The following MAGI2 variants were observed in gnomAD, a reference collection of about 807,000 sequenced individuals.
MAGI2 encodes the protein membrane-associated guanylate kinase, WW and PDZ domain-containing protein 2.
MAGI2 carries 35 observed loss-of-function variants against 133.3 expected under a neutral mutation model. The observed-to-expected ratio is 0.26, with a 90% CI of 0.20 to 0.35. The LOEUF is 0.35. Among genes scored for constraint, MAGI2 ranks in the 10% least tolerant of loss-of-function variants. The pLI is 1.00. For synonymous variants in MAGI2, 729 were observed against 710.6 expected (o/e 1.03, Z -0.41); for missense variants, 1,636 against 1,863.4 (o/e 0.88, Z 2.25).
At chr7:79,171,111 A>G (rs1260541566) in intron 1 of MAGI2, among the ~76,000 whole-genome samples, 1 of 152,114 alleles carries the variant, frequency 6.6e-6, no homozygotes, top group Admixed American at 6.6e-5. Flanking sequence ...AGTACCATAA[A>G]CTGGGTGGCT....
chr7:79,436,316 C>T (rs1848143848), intron 1 of MAGI2, among the ~76,000 whole-genome samples: 1 of 151,058 alleles, frequency 6.6e-6, no homozygotes, highest in Admixed American at 6.6e-5. Context: ...AAGAAGTCCT[C>T]AAAGGCAATC....
chr7:78,188,496 A>T (rs1827902202), intron 12 of MAGI2, among the ~76,000 whole-genome samples: 1 of 152,244 alleles, frequency 6.6e-6, no homozygotes, highest in Non-Finnish European at 1.5e-5. Context: ...ATTTAAAATG[A>T]TAACATTGTT....
At chr7:78,935,926 A>T (rs762024249) in intron 2 of MAGI2, among the ~76,000 whole-genome samples, 89 of 152,182 alleles carry the variant, frequency 5.8e-4, no homozygotes, top group South Asian at 2.5e-3. Flanking sequence ...TCCAACTTAA[A>T]AGAGACACCC....
intron 9 of MAGI2, among the ~76,000 whole-genome samples, chr7:78,307,745 C>A (rs1402223023): frequency 1.3e-5 from 2 of 152,224 alleles, no homozygotes; most frequent in South Asian, 4.1e-4. Flanking sequence ...GAGTTGATAA[C>A]CTAAGTGCTG....
chr7:79,200,662 A>C lies in MAGI2; in HGVS notation c.302-193456T>G, dbSNP rs909304058. Among the ~76,000 whole-genome samples, 19 of 151,628 alleles carry C rather than the reference A, an allele frequency of 1.3e-4. 2 individuals carry two copies. The highest frequency in any genetic ancestry group is 4.6e-4 in the African/African-American group (19 of 41,124). ...TGATATATCTCATTTCACAATCTTC[A>C]CAGTCTTGTGAAAGTGTTATCCCCA... On this transcript the variant is annotated intron_variant, in intron 1 of 21. Transcript: ENST00000354212.
rs543420879 is a variant in MAGI2 at position 78,432,127 on chromosome 7, T to G, written c.1045+57634A>C. On this transcript the variant is annotated intron_variant, in intron 6 of 21. Transcript: ENST00000354212. Reference sequence around the variant, plus strand: ...GTAGGTTTAAATATTAAATTATTAATTTTTTTTATCTGACAGCAAATTTGG... The same window carrying G: ...GTAGGTTTAAATATTAAATTATTAAGTTTTTTTATCTGACAGCAAATTTGG... Among the ~76,000 whole-genome samples the G allele has an allele frequency of 1.4e-4, 21 of 151,776 alleles. No homozygotes were observed. In the South Asian group the frequency reaches 4.4e-3, roughly 32 times the overall value.
chr7:78,347,233 TTCAG>T (rs1791013155), intron 7 of MAGI2: 2 of 152,300 alleles, frequency 1.3e-5, no homozygotes, highest in Non-Finnish European at 1.5e-5. Flanking sequence ...CACTTACAGC[TTCAG>T]AAAGGAAAGG....
chr7:78,078,783 T>G, intron 21 of MAGI2, 164 bp downstream of exon 21: 2 of 696,962 alleles, frequency 2.9e-6, no homozygotes, highest in Non-Finnish European at 4.8e-6. Context: ...TACGTGTGTG[T>G]GTGTATGTGT....
At chr7:79,190,441 C>T (rs1415224816) in intron 1 of MAGI2, among the ~76,000 whole-genome samples, 2 of 151,708 alleles carry the variant, frequency 1.3e-5, no homozygotes, top group African/African-American at 2.4e-5. Flanking sequence ...AGTGTCTGTT[C>T]CTATCTTACC....
intron 2 of MAGI2, among the ~76,000 whole-genome samples, chr7:78,860,695 C>A (rs978474989): frequency 2.6e-5 from 4 of 152,240 alleles, no homozygotes; most frequent in Non-Finnish European, 4.4e-5. Context: ...AGGGTTCTGG[C>A]ACCCCCTTGA....
intron 3 of MAGI2, among the ~76,000 whole-genome samples, chr7:78,547,885 A>G (rs1421172735): frequency 1.3e-5 from 2 of 152,216 alleles, no homozygotes; most frequent in South Asian, 2.1e-4. Context: ...ATGACCTGCT[A>G]TATTCCCAAT....
chr7:78,499,324 C>A (rs1221436722), intron 5 of MAGI2, among the ~76,000 whole-genome samples: 1 of 152,198 alleles, frequency 6.6e-6, no homozygotes, highest in Non-Finnish European at 1.5e-5. Flanking sequence ...CCTTTTATAT[C>A]TTAAATCTAT....
chr7:78,828,325 C>G (rs1312631726), intron 2 of MAGI2, among the ~76,000 whole-genome samples: 1 of 152,164 alleles, frequency 6.6e-6, no homozygotes, highest in Non-Finnish European at 1.5e-5. Flanking sequence ...AGCATCAATA[C>G]TGATAAGCCA....
At chr7:79,118,680 T>G (rs572887762) in intron 1 of MAGI2, among the ~76,000 whole-genome samples, 1 of 152,252 alleles carries the variant, frequency 6.6e-6, no homozygotes, top group African/African-American at 2.4e-5. Context: ...GTAAGTTCTG[T>G]CTCAGAAATC....
intron 6 of MAGI2, among the ~76,000 whole-genome samples, chr7:78,390,694 C>T (rs187068047): frequency 3.3e-5 from 5 of 152,220 alleles, no homozygotes; most frequent in Admixed American, 6.5e-5. Context: ...TATTTAACTT[C>T]AATAGTGCTA....
chr7:79,021,246 C>A (rs1809300448), intron 1 of MAGI2, among the ~76,000 whole-genome samples: 1 of 152,156 alleles, frequency 6.6e-6, no homozygotes, highest in African/African-American at 2.4e-5. Flanking sequence ...GGGTTTGGAG[C>A]CCCCACACAG....
At position 78,577,178 on chromosome 7, in the gene MAGI2, T is replaced by C. The variant is rs112121440; in HGVS notation, c.538+49942A>G. Among the ~76,000 whole-genome samples, 38 of 152,290 alleles carry C rather than the reference T, an allele frequency of 2.5e-4. 1 individual carries two copies. Among genetic ancestry groups the C allele is most frequent in the African/African-American group, 8.4e-4 (35 of 41,550 alleles). Reference sequence around the variant, plus strand: ...TTCACTAATTTGGAAATAATAAATATACAGGCAAAACTTAAATAGGTGCTA... The same window carrying C: ...TTCACTAATTTGGAAATAATAAATACACAGGCAAAACTTAAATAGGTGCTA... On this transcript the variant is annotated intron_variant, in intron 3 of 21. Transcript: ENST00000354212.
intron 1 of MAGI2, among the ~76,000 whole-genome samples, chr7:79,080,220 A>T (rs538130563): frequency 2.0e-5 from 3 of 152,224 alleles, no homozygotes; most frequent in Admixed American, 1.3e-4. Flanking sequence ...ATCATAAAAG[A>T]CTCGGTATTA....
At chr7:79,178,915 A>G (rs1423708097) in intron 1 of MAGI2, among the ~76,000 whole-genome samples, 4 of 151,958 alleles carry the variant, frequency 2.6e-5, no homozygotes, top group Non-Finnish European at 2.9e-5. Context: ...TTATACTACT[A>G]ATCCAGCATG....
Sources: gnomAD v4.1 joint callset for allele counts (sites outside exome capture counted in the v4.1 genomes callset) on GRCh38, gnomAD v4.1.1 for gene constraint, MANE v1.5 for transcripts, NCBI Gene and HGNC (gene_info 2026-07-23, HGNC 2026-07-21) for gene names.